Variants in ZFYVE16 observed in about 807,000 individuals in gnomAD.
The protein encoded by ZFYVE16 is zinc finger FYVE-type containing 16, also known as zinc finger FYVE domain-containing protein 16.
Under a neutral mutation model 138.1 loss-of-function variants are expected in ZFYVE16, and 89 were observed. The ratio of observed to expected loss-of-function variants is 0.64; its 90% CI spans 0.54 to 0.77. ZFYVE16 has a LOEUF of 0.77. Among genes scored for constraint, ZFYVE16 ranks in the 30% least tolerant of loss-of-function variants. The pLI is 0.00. For missense variants in ZFYVE16, 1,793 were observed against 1,786.7 expected, an observed-to-expected ratio of 1.00 and a Z score of -0.06; for synonymous variants, 596 against 618.3, an observed-to-expected ratio of 0.96 and a Z score of 0.53.
At chr5:80,475,835 G>A (rs1754852912) in intron 18 of ZFYVE16, among the ~76,000 whole-genome samples, 1 of 152,180 alleles carries the variant, frequency 6.6e-6, no homozygotes, top group African/African-American at 2.4e-5. Flanking sequence ...GAAAAATTCT[G>A]AGTAGAATTG....
chr5:80,469,283 T>C lies in ZFYVE16; in HGVS notation c.4025-3478T>C, dbSNP rs1014251732. On this transcript the variant is annotated intron_variant, in intron 15 of 18. Transcript: ENST00000505560. ...ACACCTGGCTATTTTTTTGTTGTTT[T>C]CTTGTAGAGACAAGGTCTCACTATG... Among the ~76,000 whole-genome samples the C allele has an allele frequency of 9.9e-5, 15 of 152,098 alleles. No individual in the cohort carries two copies. The East Asian group carries it at 2.9e-3, about 29-fold the overall frequency.
intron 12 of ZFYVE16, 140 bp from the exon 13 acceptor site, chr5:80,456,321 T>A (rs1039770503): frequency 5.4e-5 from 33 of 612,874 alleles, no homozygotes; most frequent in Non-Finnish European, 9.0e-5. Flanking sequence ...AACTAGAAAG[T>A]TACCCTAAAT....
chr5:80,435,013 C>G (rs1749673323), intron 3 of ZFYVE16, among the ~76,000 whole-genome samples: 1 of 151,948 alleles, frequency 6.6e-6, no homozygotes, highest in Non-Finnish European at 1.5e-5. Context: ...AGGCACCCCC[C>G]ACCATGCCTG....
At chr5:80,415,317 T>C (rs901267295) in intron 1 of ZFYVE16, among the ~76,000 whole-genome samples, 5 of 152,250 alleles carry the variant, frequency 3.3e-5, no homozygotes, top group South Asian at 4.1e-4. Context: ...ACATTTGTTA[T>C]AATTAGTGAA....
At chr5:80,433,815 A>T (rs1424264660) in intron 2 of ZFYVE16, among the ~76,000 whole-genome samples, 2 of 152,074 alleles carry the variant, frequency 1.3e-5, no homozygotes, top group African/African-American at 4.8e-5. Flanking sequence ...TTGTATTTAT[A>T]AGTAGTTTTA....
At chr5:80,448,788 G>T (rs566439937) in intron 8 of ZFYVE16, among the ~76,000 whole-genome samples, 1 of 152,176 alleles carries the variant, frequency 6.6e-6, no homozygotes, top group African/African-American at 2.4e-5. Context: ...TTCCTTGTCT[G>T]CTACTTTTTA....
intron 18 of ZFYVE16, among the ~76,000 whole-genome samples, chr5:80,475,823 A>T (rs1033655056): frequency 6.6e-6 from 1 of 152,228 alleles, no homozygotes; most frequent in Non-Finnish European, 1.5e-5. Context: ...GTATATCTAT[A>T]AGAAAAATTC....
At chr5:80,434,525 G>C (rs1184151994) in intron 3 of ZFYVE16, among the ~76,000 whole-genome samples, 1 of 152,022 alleles carries the variant, frequency 6.6e-6, no homozygotes, top group East Asian at 1.9e-4. Context: ...CTCCCAGGCT[G>C]AAGTGCAGTG....
Position 80,459,505 on chromosome 5 carries a change from C to T in ZFYVE16, c.4024+11C>T. 6.2e-7 allele frequency: 1 copy of T among 1,601,368 alleles called. No individual in the cohort carries two copies. Among genetic ancestry groups the T allele is most frequent in the Non-Finnish European group, 8.5e-7 (1 of 1,173,174 alleles). On this transcript the variant is annotated intron_variant, in intron 15 of 18. Transcript: ENST00000505560. ...CCAGCATAGTTGAAGGTATGAATTT[C>T]ATTTTTAATGGTGTTTTAATGTAGA...
chr5:80,472,949 T>G (rs768971255), intron 16 of ZFYVE16, 26 bp downstream of exon 16: 3 of 1,555,564 alleles, frequency 1.9e-6, no homozygotes, highest in Non-Finnish European at 1.7e-6. Context: ...TTCTAAAATA[T>G]AATTGATTTG....
rs892293768 is a variant in ZFYVE16, at chr5:80,479,895, G to A, written c.*2518G>A. Among the ~76,000 whole-genome samples, 24 of 152,060 alleles carry A rather than the reference G, an allele frequency of 1.6e-4. No homozygotes were observed. The highest frequency in any genetic ancestry group is 5.8e-4 in the African/African-American group (24 of 41,402). ...TTTAGGATGATAATGAATCAGAGGT[G>A]GAAGAACCAATGTAAAAGAACAGGC... On this transcript the variant is annotated 3_prime_UTR_variant, in exon 19 of 19. Transcript: ENST00000505560.
Position 80,438,581 on chromosome 5 carries a change from T to A in ZFYVE16, c.1896T>A (p.Asn632Lys), listed in dbSNP as rs1335788055. The change falls in exon 4 of 19, where the codon AAT becomes AAA. Residue 632 changes from asparagine (N) to lysine (K), a missense_variant. By Grantham distance (94) the Asn-to-Lys change is moderately conservative. Coordinates refer to ENST00000505560, the MANE Select transcript of ZFYVE16 (RefSeq NM_001284236.3). ...GLPTSKSEIT[N>K]QLSVSDINSQ... is the part of the protein sequence containing the mutation. ...CTACCAGTAAGTCTGAGATTACAAA[T>A]CAATTATCGGTCTCTGATATTAACA... The A allele has an allele frequency of 6.2e-7, 1 of 1,613,990 alleles. No individual in the cohort carries two copies. Among genetic ancestry groups the A allele is most frequent in the Non-Finnish European group, 8.5e-7 (1 of 1,179,988 alleles).
chr5:80,429,719 G>C (rs1482670956), intron 2 of ZFYVE16, among the ~76,000 whole-genome samples: 1 of 152,182 alleles, frequency 6.6e-6, no homozygotes, highest in Non-Finnish European at 1.5e-5. Flanking sequence ...CTCACATGCA[G>C]AGACACACAT....
intron 15 of ZFYVE16, among the ~76,000 whole-genome samples, chr5:80,470,098 TGTA>T (rs1271888943): frequency 0.027 from 1,338 of 50,196 alleles, 22 homozygotes; most frequent in Middle Eastern, 0.058. Context: ...TGTGTGTGTG[TGTA>T]TTTTTTTTTT....
rs1289367607 is a variant in ZFYVE16 at position 80,470,141 on chromosome 5, A to C, written c.4025-2620A>C. ...TTTTGAGACAGAGTCTCACCCTTTC[A>C]CCCAGGCTGGAGTGCAGTGGCGCAA... is the stretch of plus-strand genomic sequence containing the variant. On this transcript the variant is annotated intron_variant, in intron 15 of 18. Transcript: ENST00000505560. 3.5e-5 allele frequency among the ~76,000 whole-genome samples: 4 copies of C among 113,372 alleles called. 1 individual carries two copies. The highest frequency in any genetic ancestry group is 2.5e-4 in the East Asian group (1 of 4,004). The allele number at this position is 113,372 out of a possible 152,430, so 74.4% of individuals were successfully genotyped here. A position where few individuals can be genotyped will look rare whatever the true frequency, so the allele number is the denominator to read the frequency against.
At chr5:80,421,634 G>T (rs981813206) in intron 1 of ZFYVE16, among the ~76,000 whole-genome samples, 4 of 152,114 alleles carry the variant, frequency 2.6e-5, no homozygotes, top group Non-Finnish European at 5.9e-5. Context: ...TGAGGGCTCT[G>T]TTCTGTTCCA....
intron 15 of ZFYVE16, among the ~76,000 whole-genome samples, chr5:80,472,219 C>T (rs1019613257): frequency 1.3e-5 from 2 of 151,906 alleles, no homozygotes; most frequent in Non-Finnish European, 2.9e-5. Context: ...CTTCACCAAA[C>T]TCTTTATCTC....
At chr5:80,442,953 C>A in intron 5 of ZFYVE16, 170 bp from the exon 6 acceptor site, 1 of 577,754 alleles carries the variant, frequency 1.7e-6, no homozygotes, top group Non-Finnish European at 2.9e-6. Context: ...ACTAAAGAGC[C>A]TGTGCTGGCT....
intron 2 of ZFYVE16, among the ~76,000 whole-genome samples, chr5:80,433,151 G>A (rs930348701): frequency 1.1e-4 from 16 of 152,014 alleles, no homozygotes; most frequent in South Asian, 8.3e-4. Context: ...TGTTTATTGC[G>A]GCACTACTCA....
Sources: gnomAD v4.1 joint callset for allele counts (sites outside exome capture counted in the v4.1 genomes callset) on GRCh38, gnomAD v4.1.1 for gene constraint, MANE v1.5 for transcripts, NCBI Gene and HGNC (gene_info 2026-07-23, HGNC 2026-07-21) for gene names.